HTR2A: variants seen among roughly 807,000 people sequenced by gnomAD.
HTR2A encodes 5-HT2 receptor.
In HTR2A, 14 loss-of-function variants were observed where a neutral mutation model predicts 31.0. The observed-to-expected ratio is 0.45, with a 90% CI of 0.30 to 0.71. HTR2A has a LOEUF of 0.71. Among genes scored for constraint, HTR2A ranks in the 30% least tolerant of loss-of-function variants. The probability of loss-of-function intolerance (pLI) is 0.09; values close to 1 mark genes in which losing one functional copy is unlikely to be tolerated. For synonymous variants in HTR2A, 209 were observed against 225.2 expected (o/e 0.93, Z 0.64); for missense variants, 442 against 573.3 (o/e 0.77, Z 2.34).
chr13:46,892,593 A>G lies in HTR2A; in HGVS notation c.413-3T>C. 1.2e-6 allele frequency: 2 copies of G among 1,613,976 alleles called. No individual in the cohort carries two copies. The highest frequency in any genetic ancestry group is 1.7e-6 in the Non-Finnish European group (2 of 1,179,932). On this transcript the variant is annotated splice_polypyrimidine_tract_variant and splice_region_variant and intron_variant, in intron 2 of 3. Coordinates refer to ENST00000542664, the MANE Select transcript of HTR2A (RefSeq NM_000621.5). ...GCTCGGCAGAGGCCACCGGTACCCT[A>G]TGAGGCAGAAGGTTGGTGTCAGTGA...
At chr13:46,892,646 T>G (rs2296973) in intron 2 of HTR2A, 56 bp from the exon 3 acceptor site, 998,903 of 1,410,948 alleles carry the variant, frequency 0.71, 354,615 homozygotes, top group African/African-American at 0.79. Flanking sequence ...GGAGCACATG[T>G]ATCCCTATCC....
Position 46,895,823 on chromosome 13 carries a change from G to A in HTR2A, c.84C>T (p.Tyr28=), listed in dbSNP as rs1593447917. 1 of 1,614,100 alleles carries A rather than the reference G, an allele frequency of 6.2e-7. No individual in the cohort carries two copies. The highest frequency in any genetic ancestry group is 8.5e-7 in the Non-Finnish European group (1 of 1,179,974). The part of the protein sequence containing the change: ...LMQLNDDTRL[Y]SNDFNSGEAN... ...CTTCTCCGGAGTTAAAGTCATTACT[G>A]TAGAGCCTGGTGTCATCATTTAATT... Residue 28 remains tyrosine, a synonymous_variant, in exon 2 of 4, where the codon TAC becomes TAT. Coordinates refer to ENST00000542664, the MANE Select transcript of HTR2A (RefSeq NM_000621.5). This position sits in a 1 kb window ranked among gnomAD's most constrained non-coding sequence, Gnocchi z 4.4.
chr13:46,880,667 C>G (rs907594077), intron 3 of HTR2A, among the ~76,000 whole-genome samples: 2 of 151,822 alleles, frequency 1.3e-5, no homozygotes, highest in Non-Finnish European at 2.9e-5. Context: ...GGTGAAACCC[C>G]GTCTCCAATA....
At chr13:46,891,252 C>A (rs934252704) in intron 3 of HTR2A, among the ~76,000 whole-genome samples, 4 of 152,178 alleles carry the variant, frequency 2.6e-5, no homozygotes, top group African/African-American at 9.7e-5. Flanking sequence ...GAAAGTGACA[C>A]AAGTGTGATT....
At chr13:46,856,160 C>T (rs972010012) in intron 3 of HTR2A, 1 of 152,168 alleles carries the variant, frequency 6.6e-6, no homozygotes, top group African/African-American at 2.4e-5. Context: ...AATATGCTCT[C>T]CTATCTTTTG....
chr13:46,892,582 A>T lies in HTR2A; in HGVS notation c.421T>A (p.Trp141Arg). ...SMLTILYGYR[W>R]PLPSKLCAVW... Reference sequence around the variant, plus strand: ...GCACAAAGCTTGCTCGGCAGAGGCCACCGGTACCCTATGAGGCAGAAGGTT... The same window carrying T: ...GCACAAAGCTTGCTCGGCAGAGGCCTCCGGTACCCTATGAGGCAGAAGGTT... The change falls in exon 3 of 4, where the codon TGG becomes AGG. Residue 141 changes from tryptophan (W) to arginine (R), a missense_variant. Trp to Arg is a moderately radical substitution (Grantham distance 101, BLOSUM62 -3). Around this residue, in one of 5 missense-constraint regions of HTR2A, gnomAD observed 86 missense variants for 179.1 expected, o/e 0.48. Transcript: ENST00000542664. 6.2e-7 allele frequency: 1 copy of T among 1,614,160 alleles called. No individual in the cohort carries two copies. Among genetic ancestry groups the T allele is most frequent in the South Asian group, 1.1e-5 (1 of 91,082 alleles).
chr13:46,839,751 C>A lies in HTR2A; in HGVS notation c.614-4112G>T, dbSNP rs114594919. 4.1e-3 allele frequency among the ~76,000 whole-genome samples: 617 copies of A among 152,230 alleles called. 4 individuals carry two copies. The highest frequency in any genetic ancestry group is 0.014 in the African/African-American group (588 of 41,544). On this transcript the variant is annotated intron_variant, in intron 3 of 3. Coordinates refer to ENST00000542664, the MANE Select transcript of HTR2A (RefSeq NM_000621.5). ...CTCAGACAATAAAATGAATGGGAAACCTTGACACCTAAGAACACAAAAGCT... is the reference window on the plus strand; with the variant it reads ...CTCAGACAATAAAATGAATGGGAAAACTTGACACCTAAGAACACAAAAGCT...
intron 3 of HTR2A, among the ~76,000 whole-genome samples, chr13:46,864,733 G>A (rs1950806461): frequency 6.6e-6 from 1 of 151,998 alleles, no homozygotes; most frequent in African/African-American, 2.4e-5. Context: ...AACTATGTGA[G>A]GCACATGGTG....
At chr13:46,846,056 C>T (rs1950640628) in intron 3 of HTR2A, among the ~76,000 whole-genome samples, 1 of 152,118 alleles carries the variant, frequency 6.6e-6, no homozygotes, top group Non-Finnish European at 1.5e-5. Flanking sequence ...CCCACACAGC[C>T]TAGGTAGGGA....
intron 2 of HTR2A, 25 bp from the exon 3 acceptor site, chr13:46,892,615 G>A: frequency 1.2e-6 from 2 of 1,606,722 alleles, no homozygotes; most frequent in Middle Eastern, 1.8e-4. Context: ...GTTGGTGTCA[G>A]TGAGCAACCC....
rs2138255797 is a variant in HTR2A at position 46,892,572 on chromosome 13, G to A, written c.431C>T (p.Pro144Leu). The change falls in exon 3 of 4, where the codon CCG (proline) becomes CTG (leucine). Residue 144 changes from proline to leucine, a missense_variant. Transcript: ENST00000542664. ...TILYGYRWPL[P>L]SKLCAVWIYL... ...AATCCAGACTGCACAAAGCTTGCTC[G>A]GCAGAGGCCACCGGTACCCTATGAG... 3 of 1,614,166 alleles carry A rather than the reference G, an allele frequency of 1.9e-6. No homozygotes were observed. Among genetic ancestry groups the A allele is most frequent in the Admixed American group, 1.7e-5 (1 of 60,030 alleles).
intron 3 of HTR2A, among the ~76,000 whole-genome samples, chr13:46,880,906 T>G (rs1304867988): frequency 6.6e-6 from 1 of 152,170 alleles, no homozygotes; most frequent in Non-Finnish European, 1.5e-5. Context: ...TTAATTATTC[T>G]CACCAGTTTC....
intron 3 of HTR2A, among the ~76,000 whole-genome samples, chr13:46,846,293 A>G (rs7992607): frequency 0.049 from 7,473 of 152,230 alleles, 570 homozygotes; most frequent in African/African-American, 0.16. Flanking sequence ...TAAATACTAT[A>G]TAGTAAATAT....
At chr13:46,886,790 A>G (rs1951009768) in intron 3 of HTR2A, among the ~76,000 whole-genome samples, 3 of 152,188 alleles carry the variant, frequency 2.0e-5, no homozygotes, top group Non-Finnish European at 1.5e-5. Flanking sequence ...CAGTTTGTTA[A>G]AGGAACAGAT....
At chr13:46,841,931 T>C (rs1172694923) in intron 3 of HTR2A, among the ~76,000 whole-genome samples, 2 of 152,124 alleles carry the variant, frequency 1.3e-5, no homozygotes, top group Non-Finnish European at 2.9e-5. Flanking sequence ...AACCATATAA[T>C]ATAATTTGAA....
intron 1 of HTR2A, 104 bp from the exon 2 acceptor site, chr13:46,896,338 A>C (rs1394569290): frequency 1.7e-6 from 1 of 584,890 alleles, no homozygotes; most frequent in Admixed American, 4.8e-5. Context: ...GTATTATTAA[A>C]ATAGCATGCA....
At chr13:46,836,945 G>A (rs1051742773) in intron 3 of HTR2A, among the ~76,000 whole-genome samples, 7 of 152,124 alleles carry the variant, frequency 4.6e-5, no homozygotes, top group African/African-American at 1.7e-4. Context: ...GCATTCATAA[G>A]GATGGATTGC....
At chr13:46,873,427 T>TTTTTTATTATTA (rs372887786) in intron 3 of HTR2A, among the ~76,000 whole-genome samples, 25 of 144,820 alleles carry the variant, frequency 1.7e-4, no homozygotes, top group African/African-American at 5.1e-4. Context: ...TAATATAAAA[T>TTTTTTATTATTA]TTATTATTAT....
chr13:46,893,282 G>A, intron 2 of HTR2A, among the ~76,000 whole-genome samples: 1 of 152,220 alleles, frequency 6.6e-6, no homozygotes, highest in Non-Finnish European at 1.5e-5. Flanking sequence ...AAACTTTAGT[G>A]AGCATCAGAC....
Sources: gnomAD v4.1 joint callset for allele counts (sites outside exome capture counted in the v4.1 genomes callset) on GRCh38, gnomAD v4.1.1 for gene constraint, gnomAD v4.1.1 regional missense constraint, Gnocchi (gnomAD v3.1) non-coding constraint, MANE v1.5 for transcripts, NCBI Gene and HGNC (gene_info 2026-07-23, HGNC 2026-07-21) for gene names.